MAP3K3: variants seen among roughly 807,000 people sequenced by gnomAD.
MAP3K3 encodes the protein MAP/ERK kinase kinase 3.
Under a neutral mutation model 80.9 loss-of-function variants are expected in MAP3K3, and 12 were observed. The observed-to-expected ratio is 0.15, with a 90% CI of 0.10 to 0.24. MAP3K3 has a LOEUF of 0.24. Ranked by LOEUF, MAP3K3 falls within the 10% of genes least tolerant of loss-of-function variation. MAP3K3 has a pLI of 1.00. For synonymous variants in MAP3K3, 272 were observed against 307.1 expected (o/e 0.89, Z 1.19); for missense variants, 596 against 834.7 (o/e 0.71, Z 3.52).
chr17:63,676,764 G>T (rs77877489), intron 6 of MAP3K3, among the ~76,000 whole-genome samples: 1 of 152,190 alleles, frequency 6.6e-6, no homozygotes, highest in African/African-American at 2.4e-5. Context: ...CAGAAGTCCA[G>T]TGCCCCTCAG....
At chr17:63,673,528 C>T (rs900440782) in intron 6 of MAP3K3, among the ~76,000 whole-genome samples, 6 of 152,138 alleles carry the variant, frequency 3.9e-5, no homozygotes, top group African/African-American at 9.7e-5. Context: ...CCTTGGCCTA[C>T]GGAAATTCTA....
chr17:63,679,520 T>A (rs575198273), intron 6 of MAP3K3, among the ~76,000 whole-genome samples: 1 of 152,318 alleles, frequency 6.6e-6, no homozygotes, highest in Admixed American at 6.5e-5. Context: ...TCGCACTCTA[T>A]CACCTATGCT....
intron 1 of MAP3K3, among the ~76,000 whole-genome samples, chr17:63,632,318 C>G (rs113414653): frequency 0.016 from 2,414 of 151,870 alleles, 62 homozygotes; most frequent in African/African-American, 0.055. Context: ...ATGGGGAGAC[C>G]CCGTCTCTAC....
chr17:63,636,786 G>A, intron 2 of MAP3K3: 1 of 325,692 alleles, frequency 3.1e-6, no homozygotes, highest in Non-Finnish European at 6.1e-6. Context: ...AGGCAGCCCG[G>A]CTGTGGGAGA....
chr17:63,638,933 G>A (rs1326023043), intron 2 of MAP3K3, among the ~76,000 whole-genome samples: 1 of 152,090 alleles, frequency 6.6e-6, no homozygotes, highest in Non-Finnish European at 1.5e-5. Flanking sequence ...GGCTGAGGTG[G>A]GAGAATCGCT....
At chr17:63,628,944 G>A (rs552640021) in intron 1 of MAP3K3, among the ~76,000 whole-genome samples, 8 of 152,124 alleles carry the variant, frequency 5.3e-5, no homozygotes, top group African/African-American at 1.9e-4. Context: ...GAAATAATTC[G>A]TAGGTTTTCT....
intron 2 of MAP3K3, among the ~76,000 whole-genome samples, chr17:63,642,348 A>G (rs1312165707): frequency 1.3e-5 from 2 of 152,208 alleles, no homozygotes; most frequent in African/African-American, 2.4e-5. Context: ...AGATTCCTTC[A>G]TTAGTATATC....
At chr17:63,680,457 A>G (rs950904928) in intron 6 of MAP3K3, among the ~76,000 whole-genome samples, 2 of 152,190 alleles carry the variant, frequency 1.3e-5, no homozygotes, top group Non-Finnish European at 2.9e-5. Context: ...ACCTTCTGAA[A>G]ATTGGCTCTT....
At chr17:63,622,807 G>T in intron 1 of MAP3K3, 44 bp downstream of exon 1, 1 of 467,546 alleles carries the variant, frequency 2.1e-6, no homozygotes, top group Non-Finnish European at 4.2e-6. Context: ...GCTGCTTCGC[G>T]ACGCCCCGCC....
intron 1 of MAP3K3, among the ~76,000 whole-genome samples, 153 bp from the exon 2 acceptor site, chr17:63,632,528 A>G (rs563266490): frequency 3.5e-4 from 53 of 152,228 alleles, no homozygotes; most frequent in African/African-American, 1.2e-3. Context: ...TCAAATTGCC[A>G]TAGTCTGACC....
At chr17:63,623,868 C>G (rs1014550670) in intron 1 of MAP3K3, among the ~76,000 whole-genome samples, 5 of 152,130 alleles carry the variant, frequency 3.3e-5, no homozygotes, top group Non-Finnish European at 5.9e-5. Context: ...GAAGAGGGAG[C>G]CTTAATGTTT....
intron 5 of MAP3K3, among the ~76,000 whole-genome samples, chr17:63,658,159 A>G (rs1206085796): frequency 6.6e-6 from 1 of 152,256 alleles, no homozygotes; most frequent in African/African-American, 2.4e-5. Context: ...AAAATACTTT[A>G]TGATAAAGAA....
intron 1 of MAP3K3, among the ~76,000 whole-genome samples, chr17:63,632,210 A>G (rs979864942): frequency 2.0e-5 from 3 of 152,180 alleles, no homozygotes; most frequent in African/African-American, 7.2e-5. Context: ...ATTAAAGGCC[A>G]GGCATGGTGG....
rs538681305 is a variant in MAP3K3 at position 63,695,186 on chromosome 17, A to G, written c.*1409A>G. On this transcript the variant is annotated 3_prime_UTR_variant, in exon 16 of 16. Transcript: ENST00000361733. The surrounding 1 kb of genome is among the most constrained non-coding windows in gnomAD (Gnocchi z 4.1). ...CCCTGCCAGCCATGCCTACATCCCC[A>G]TGGGCACAGAACAAGCCAAAGCCTT... The G allele has an allele frequency of 8.6e-4, 131 of 152,394 alleles. 1 individual carries two copies. The highest frequency in any genetic ancestry group is 3.1e-3 in the African/African-American group (127 of 41,426). 9.4% of individuals were successfully genotyped at this position (152,394 alleles called of 1,614,324 possible).
intron 5 of MAP3K3, among the ~76,000 whole-genome samples, chr17:63,666,200 G>C (rs1362926746): frequency 6.6e-6 from 1 of 152,126 alleles, no homozygotes; most frequent in Admixed American, 6.5e-5. Flanking sequence ...CTTGACCTCT[G>C]TCTGGCACAA....
chr17:63,641,408 A>G (rs1003408684), intron 2 of MAP3K3, among the ~76,000 whole-genome samples: 1 of 151,976 alleles, frequency 6.6e-6, no homozygotes, highest in Non-Finnish European at 1.5e-5. Flanking sequence ...ACACCCGGCT[A>G]ATTTTTGTAT....
At position 63,657,024 on chromosome 17, in the gene MAP3K3, A is replaced by G. The variant is rs558514160; in HGVS notation, c.268-770A>G. ...GGTAGTTTTCAGGTTCTAGTCACTG[A>G]CTTTGCCCTTAAACAGAAAGATAAT... On this transcript the variant is annotated intron_variant, in intron 4 of 15. Coordinates refer to ENST00000361733, the MANE Select transcript of MAP3K3 (RefSeq NM_002401.5). Among the ~76,000 whole-genome samples, 32 of 152,278 alleles carry G rather than the reference A, an allele frequency of 2.1e-4. No individual in the cohort carries two copies. In the South Asian group the frequency reaches 5.4e-3, roughly 26 times the overall value.
At chr17:63,690,982 T>G in intron 12 of MAP3K3, 120 bp from the exon 13 acceptor site, 1 of 1,222,348 alleles carries the variant, frequency 8.2e-7, no homozygotes, top group South Asian at 1.4e-5. Flanking sequence ...CCCCCTTTTC[T>G]CCAACTGCAG....
chr17:63,676,983 G>A (rs59976397), intron 6 of MAP3K3, among the ~76,000 whole-genome samples: 3,644 of 152,330 alleles, frequency 0.024, 138 homozygotes, highest in African/African-American at 0.083. Context: ...GTACAGGAAG[G>A]CACAGTAGAA....
Sources: gnomAD v4.1 joint callset for allele counts (sites outside exome capture counted in the v4.1 genomes callset) on GRCh38, gnomAD v4.1.1 for gene constraint, Gnocchi (gnomAD v3.1) non-coding constraint, MANE v1.5 for transcripts, NCBI Gene and HGNC (gene_info 2026-07-23, HGNC 2026-07-21) for gene names.